The following SETD2 variants were observed in gnomAD, a reference collection of about 807,000 sequenced individuals.
SETD2 encodes the protein histone-lysine N-methyltransferase SETD2.
A neutral mutation model predicts 242.1 loss-of-function variants in SETD2; 31 were observed. The ratio of observed to expected loss-of-function variants is 0.13; its 90% CI spans 0.10 to 0.17. The LOEUF (loss-of-function observed/expected upper bound fraction) is 0.17. Ranked by LOEUF, SETD2 falls within the 10% of genes least tolerant of loss-of-function variation. The pLI, the probability that SETD2 is intolerant of heterozygous loss-of-function variation, is 1.00. For missense variants in SETD2, 2,481 were observed against 3,046.3 expected, an observed-to-expected ratio of 0.81 and a Z score of 4.37; for synonymous variants, 1,006 against 1,066.5, an observed-to-expected ratio of 0.94 and a Z score of 1.11.
At position 47,016,954 on chromosome 3, in the gene SETD2, T is replaced by G. The variant is rs1385573862; in HGVS notation, c.*139A>C. 1 of 794,076 alleles carries G rather than the reference T, an allele frequency of 1.3e-6. No individual in the cohort carries two copies. 49.2% of individuals were successfully genotyped at this position (794,076 alleles called of 1,614,324 possible). On this transcript the variant is annotated 3_prime_UTR_variant, in exon 21 of 21. Transcript: ENST00000409792. ...TCATTTTTGTGGCCTTCAGTTGACA[T>G]CTGCAGGGTTGAATTCCCCAGGGTG... is the stretch of plus-strand genomic sequence containing the variant.
chr3:47,024,688 C>T (rs977783186), intron 18 of SETD2, among the ~76,000 whole-genome samples: 11 of 152,204 alleles, frequency 7.2e-5, no homozygotes, highest in African/African-American at 2.7e-4. Flanking sequence ...CTCTCTGCAA[C>T]TCCCTCAATG....
intron 12 of SETD2, among the ~76,000 whole-genome samples, chr3:47,080,303 T>C (rs1243358843): frequency 6.6e-6 from 1 of 152,194 alleles, no homozygotes; most frequent in Non-Finnish European, 1.5e-5. Flanking sequence ...TGTCCCTAAA[T>C]CATCTAAATC....
chr3:47,081,200 C>T (rs1194510301), intron 12 of SETD2: 2 of 490,044 alleles, frequency 4.1e-6, no homozygotes, highest in Admixed American at 1.3e-4. Flanking sequence ...CTGATGATTC[C>T]TATAGTCTGC....
At position 47,121,704 on chromosome 3, in the gene SETD2, C is replaced by T. The variant is rs2106658415; in HGVS notation, c.2932G>A (p.Glu978Lys). 1 of 1,614,086 alleles carries T rather than the reference C, an allele frequency of 6.2e-7. No homozygotes were observed. The highest frequency in any genetic ancestry group is 8.5e-7 in the Non-Finnish European group (1 of 1,179,970). The change falls in exon 3 of 21, where the codon GAA (glutamate) becomes AAA (lysine). Residue 978 changes from glutamate (E) to lysine (K), a missense_variant. Physicochemically the swap from Glu to Lys is moderately conservative, Grantham distance 56. Around this residue, in one of 17 missense-constraint regions of SETD2, gnomAD observed 1,300 missense variants for 1,259.2 expected, o/e 1.03. Coordinates refer to ENST00000409792, the MANE Select transcript of SETD2 (RefSeq NM_014159.7). ...SILPERRGRP[E>K]ISLDERGEGG... ...TCTCCTCTTTCATCTAAAGAGATTT[C>T]TGGTCTTCCTCTTCTTTCAGGCAAT...
intron 4 of SETD2, among the ~76,000 whole-genome samples, chr3:47,115,994 A>G (rs1245354594): frequency 6.6e-6 from 1 of 152,214 alleles, no homozygotes; most frequent in African/African-American, 2.4e-5. Flanking sequence ...TAAGAACAAT[A>G]CAGAAGCAAA....
Position 47,123,123 on chromosome 3 carries a change from C to G in SETD2, c.1513G>C (p.Glu505Gln). ...TTTGAAGAATACTTGCCTCTTCTTT[C>G]CATCTCTAAGTAAGAGGTCTCAGTT... Reference protein sequence around the residue: ...CKTETSYLEMERRGKYSSKLE... With the variant: ...CKTETSYLEMQRRGKYSSKLE... Residue 505 changes from glutamate (E) to glutamine (Q), a missense_variant, in exon 3 of 21, where the codon GAA (glutamate) becomes CAA (glutamine). Transcript: ENST00000409792. 6.2e-7 allele frequency: 1 copy of G among 1,613,010 alleles called. No homozygotes were observed. The highest frequency in any genetic ancestry group is 1.1e-5 in the South Asian group (1 of 91,064).
chr3:47,157,571 T>C (rs1369929687), intron 1 of SETD2: 1 of 455,692 alleles, frequency 2.2e-6, no homozygotes, highest in Non-Finnish European at 4.4e-6. Context: ...TTCCATTCAA[T>C]ACTAACAATA....
chr3:47,122,817 G>A lies in SETD2; in HGVS notation c.1819C>T (p.Pro607Ser), dbSNP rs1345996475. 1 of 1,613,420 alleles carries A rather than the reference G, an allele frequency of 6.2e-7. No homozygotes were observed. Among genetic ancestry groups the A allele is most frequent in the South Asian group, 1.1e-5 (1 of 90,988 alleles). The change falls in exon 3 of 21, where the codon CCT becomes TCT. Residue 607 changes from proline (P) to serine (S), a missense_variant. Pro to Ser is a moderately conservative substitution (Grantham distance 74, BLOSUM62 -1). Transcript: ENST00000409792. ...GGAGACCCAGCCTTTTCTCTTTCAG[G>A]ATTTTTATTAATCATTCTTAATTCA... ...GSELRMINKNPEREKAGSPAP... is the reference protein window; with the variant it reads ...GSELRMINKNSEREKAGSPAP...
chr3:47,082,389 G>A (rs1297535928), intron 12 of SETD2, among the ~76,000 whole-genome samples: 2 of 152,088 alleles, frequency 1.3e-5, no homozygotes, highest in African/African-American at 4.8e-5. Flanking sequence ...CTTCTTAACT[G>A]AGCTTCTTTA....
At chr3:47,052,150 C>T (rs1326122465) in intron 15 of SETD2, among the ~76,000 whole-genome samples, 3 of 151,972 alleles carry the variant, frequency 2.0e-5, no homozygotes, top group African/African-American at 4.8e-5. Context: ...TAAGGAAAAA[C>T]CTATACGAGA....
chr3:47,105,137 C>T (rs904371081), intron 6 of SETD2, among the ~76,000 whole-genome samples: 4 of 152,094 alleles, frequency 2.6e-5, no homozygotes, highest in Admixed American at 6.5e-5. Flanking sequence ...GGGCCAGGCA[C>T]GGTGGCTCAC....
rs2106639851 is a variant in SETD2, at chr3:47,121,097, G to A, written c.3539C>T (p.Pro1180Leu). The A allele has an allele frequency of 1.2e-6, 2 of 1,614,048 alleles. No homozygotes were observed. The highest frequency in any genetic ancestry group is 1.1e-5 in the South Asian group (1 of 91,076). Residue 1180 changes from proline (P) to leucine (L), a missense_variant, in exon 3 of 21, where the codon CCT (proline) becomes CTT (leucine). Pro to Leu is a moderately conservative substitution (Grantham distance 98). Transcript: ENST00000409792. ...STSHTDVKSD[P>L]LGHPNSEETV... ...TTCCTCTGAATTTGGGTGACCCAGA[G>A]GGTCAGATTTCACATCTGTATGACT... is the stretch of plus-strand genomic sequence containing the variant.
chr3:47,084,188 C>T lies in SETD2; in HGVS notation c.5592G>A (p.Leu1864=). Residue 1864 remains leucine (L), a synonymous_variant, in exon 12 of 21, where the codon CTG becomes CTA. Transcript: ENST00000409792. ...PLNTPDPSTK[L]STEADTDTPK... Reference sequence around the variant, plus strand: ...GAGTGTCTGTGTCAGCTTCTGTGCTCAGCTTGGTGGAAGGATCAGGTGTGT... The same window carrying T: ...GAGTGTCTGTGTCAGCTTCTGTGCTTAGCTTGGTGGAAGGATCAGGTGTGT... 2.5e-6 allele frequency: 4 copies of T among 1,614,128 alleles called. No individual in the cohort carries two copies. Among genetic ancestry groups the T allele is most frequent in the Non-Finnish European group, 3.4e-6 (4 of 1,180,022 alleles).
At chr3:47,146,015 CAAAAAAAAA>C (rs1171574770) in intron 1 of SETD2, among the ~76,000 whole-genome samples, 3 of 38,678 alleles carry the variant, frequency 7.8e-5, no homozygotes, top group Admixed American at 8.3e-4. Flanking sequence ...GACCCTGTCT[CAAAAAAAAA>C]AAAAAAAAAA....
chr3:47,067,578 C>T (rs560083813), intron 12 of SETD2, among the ~76,000 whole-genome samples: 104 of 152,032 alleles, frequency 6.8e-4, no homozygotes, highest in African/African-American at 2.5e-3. Flanking sequence ...CCATGCCCCG[C>T]TAATTTTTTC....
rs2043069374 is a variant in SETD2, at chr3:47,121,186, T to C, written c.3450A>G (p.Arg1150=). 2.5e-6 allele frequency: 4 copies of C among 1,614,006 alleles called. No individual in the cohort carries two copies. In the Admixed American group the frequency reaches 6.7e-5, roughly 27 times the overall value. ...NPEISFTQSS[R]KQIDNRLPEL... is the part of the protein sequence containing the mutation. Reference sequence around the variant, plus strand: ...CAGGCAGGCGATTATCTATTTGTTTTCTACTGGACTGTGTAAAAGAAATTT... The same window carrying C: ...CAGGCAGGCGATTATCTATTTGTTTCCTACTGGACTGTGTAAAAGAAATTT... The change falls in exon 3 of 21, where the codon AGA becomes AGG. Residue 1150 remains arginine (R), a synonymous_variant. Coordinates refer to ENST00000409792, the MANE Select transcript of SETD2 (RefSeq NM_014159.7).
intron 8 of SETD2, among the ~76,000 whole-genome samples, chr3:47,101,004 C>A: frequency 2.3e-5 from 2 of 86,068 alleles, no homozygotes; most frequent in Non-Finnish European, 4.2e-5. Context: ...AGCAAGAGTC[C>A]ATCTCAAAAA....
Position 47,124,039 on chromosome 3 carries a change from G to A in SETD2, c.597C>T (p.Ala199=), listed in dbSNP as rs1575819573. 4.5e-6 allele frequency: 7 copies of A among 1,552,152 alleles called. No individual in the cohort carries two copies. In the East Asian group the frequency reaches 1.7e-4, roughly 38 times the overall value. The change falls in exon 3 of 21, where the codon GCC becomes GCT. Residue 199 remains alanine (A), a synonymous_variant. Coordinates refer to ENST00000409792, the MANE Select transcript of SETD2 (RefSeq NM_014159.7). ...CTGGTGCTGGTGATGAGAGTGTTGT[G>A]GCTTGGGCAGGTGGAGGCGGTGGAG... ...SPPPPPPPAQ[A]TTLSSPAPVT... is the part of the protein sequence containing the mutation.
chr3:47,058,465 C>CAAAAAAAAAAA (rs1448864045), intron 14 of SETD2, among the ~76,000 whole-genome samples: 8 of 76,156 alleles, frequency 1.1e-4, no homozygotes, highest in African/African-American at 4.5e-4. Flanking sequence ...AAAAAAAAAA[C>CAAAAAAAAAAA]ACAAAGAGGG....
Sources: gnomAD v4.1 joint callset for allele counts (sites outside exome capture counted in the v4.1 genomes callset) on GRCh38, gnomAD v4.1.1 for gene constraint, gnomAD v4.1.1 regional missense constraint, MANE v1.5 for transcripts, NCBI Gene and HGNC (gene_info 2026-07-23, HGNC 2026-07-21) for gene names.